The following SYT7 variants were observed in gnomAD, a reference collection of about 807,000 sequenced individuals.
SYT7 encodes the protein synaptotagmin-7.
A neutral mutation model predicts 75.1 loss-of-function variants in SYT7; 29 were observed. The observed-to-expected ratio is 0.39, with a 90% CI of 0.29 to 0.53. The LOEUF is 0.53. Among genes scored for constraint, SYT7 ranks in the 20% least tolerant of loss-of-function variants. The pLI is 0.77. For synonymous variants in SYT7, 376 were observed against 401.7 expected, an observed-to-expected ratio of 0.94 and a Z score of 0.76; for missense variants, 693 against 953.2, an observed-to-expected ratio of 0.73 and a Z score of 3.59.
chr11:61,550,864 C>T lies in SYT7; in HGVS notation c.215+520G>A, dbSNP rs1021834048. Among the ~76,000 whole-genome samples the T allele has an allele frequency of 7.2e-5, 11 of 152,276 alleles. No homozygotes were observed. In the East Asian group the frequency reaches 7.7e-4, roughly 11 times the overall value. On this transcript the variant is annotated intron_variant, in intron 3 of 12. Coordinates refer to ENST00000539008, the MANE Select transcript of SYT7 (RefSeq NM_001365809.2). ...GACACACAGCGGCCGGTGGGGTTGA[C>T]GGGGAGGGAGGGACTGCTCCCCAGC...
chr11:61,531,111 G>A, intron 8 of SYT7: 1 of 985,474 alleles, frequency 1.0e-6, no homozygotes, highest in Non-Finnish European at 1.2e-6. Context: ...ACCAGGACAG[G>A]CTGAGGTCAC....
chr11:61,541,208 T>C (rs1053342122), intron 6 of SYT7: 1 of 985,562 alleles, frequency 1.0e-6, no homozygotes, highest in African/African-American at 1.7e-5. Context: ...CCTCCTCCCT[T>C]TCTCCTCGCC....
At chr11:61,557,787 T>C (rs2063536468) in intron 1 of SYT7, among the ~76,000 whole-genome samples, 1 of 152,194 alleles carries the variant, frequency 6.6e-6, no homozygotes, top group South Asian at 2.1e-4. Context: ...ATCACCAAGG[T>C]CCTGCCCCTC....
At chr11:61,555,409 G>A (rs886088524) in intron 2 of SYT7, among the ~76,000 whole-genome samples, 1 of 152,238 alleles carries the variant, frequency 6.6e-6, no homozygotes, top group East Asian at 1.9e-4. Context: ...TCGGGGAGCT[G>A]TGGGCTGCGG....
At chr11:61,525,127 G>A (rs912859028) in intron 9 of SYT7, among the ~76,000 whole-genome samples, 3 of 152,256 alleles carry the variant, frequency 2.0e-5, no homozygotes, top group South Asian at 4.1e-4. Flanking sequence ...TCCCTCATCC[G>A]AGCCGCTGGC....
intron 12 of SYT7, among the ~76,000 whole-genome samples, chr11:61,520,397 G>A (rs1050348717): frequency 2.6e-5 from 4 of 151,996 alleles, no homozygotes; most frequent in Non-Finnish European, 5.9e-5. Context: ...ATGGTGGTAC[G>A]TGCCTGGAGT....
chr11:61,518,611 C>T lies in SYT7; in HGVS notation c.*16G>A, dbSNP rs1163767505. ...GGACCTGGGCCCTCGGCCCCCTGGG[C>T]CTCCCTTGGCCCCACTCAGGCCTTC... On this transcript the variant is annotated 3_prime_UTR_variant, in exon 13 of 13. Coordinates refer to ENST00000539008, the MANE Select transcript of SYT7 (RefSeq NM_001365809.2). The T allele has an allele frequency of 1.3e-6, 2 of 1,524,050 alleles. No homozygotes were observed. The highest frequency in any genetic ancestry group is 1.8e-6 in the Non-Finnish European group (2 of 1,132,080). The allele number at this position is 1,524,050 out of a possible 1,614,324, so 94.4% of individuals were successfully genotyped here.
At chr11:61,539,117 C>T (rs1172131740) in intron 6 of SYT7, among the ~76,000 whole-genome samples, 12 of 152,250 alleles carry the variant, frequency 7.9e-5, no homozygotes, top group African/African-American at 2.2e-4. Flanking sequence ...GCCAAGGCGG[C>T]GAGAAAGTGC....
intron 6 of SYT7, chr11:61,541,117 T>C (rs1336082444): frequency 1.0e-6 from 1 of 985,378 alleles, no homozygotes; most frequent in East Asian, 1.1e-4. Context: ...AAGCCCTGGC[T>C]GAGGTCTCAG....
rs1478417185 is a variant in SYT7 at position 61,524,338 on chromosome 11, C to G, written c.1641+25G>C. 1 of 1,612,750 alleles carries G rather than the reference C, an allele frequency of 6.2e-7. No individual in the cohort carries two copies. Among genetic ancestry groups the G allele is most frequent in the African/African-American group, 1.3e-5 (1 of 74,918 alleles). On this transcript the variant is annotated intron_variant, in intron 10 of 12. Coordinates refer to ENST00000539008, the MANE Select transcript of SYT7 (RefSeq NM_001365809.2). The surrounding 1 kb of genome is among the most constrained non-coding windows in gnomAD (Gnocchi z 4.1). ...CAGCCCTGCCCTGCTGCCTGTCCAG[C>G]TAAGACCCACCCATGGGGCCTTACA... is the stretch of plus-strand genomic sequence containing the variant.
rs2062460429 is a variant in SYT7 at position 61,524,802 on chromosome 11, C to G, written c.1472-270G>C. Reference sequence around the variant, plus strand: ...GGCTCAGACGGCTTAAAGTACTTGCCCAGACTCCCAGCTAGTAAAGAGTAG... The same window carrying G: ...GGCTCAGACGGCTTAAAGTACTTGCGCAGACTCCCAGCTAGTAAAGAGTAG... On this transcript the variant is annotated intron_variant, in intron 9 of 12. Coordinates refer to ENST00000539008, the MANE Select transcript of SYT7 (RefSeq NM_001365809.2). The surrounding 1 kb of genome is among the most constrained non-coding windows in gnomAD (Gnocchi z 4.1). The G allele has an allele frequency of 2.9e-6, 1 of 350,090 alleles. No individual in the cohort carries two copies. Among genetic ancestry groups the G allele is most frequent in the African/African-American group, 2.1e-5 (1 of 46,766 alleles). 21.7% of individuals were successfully genotyped at this position (350,090 alleles called of 1,614,324 possible).
intron 1 of SYT7, among the ~76,000 whole-genome samples, chr11:61,579,097 G>A (rs2135466971): frequency 6.6e-6 from 1 of 152,336 alleles, no homozygotes; most frequent in Non-Finnish European, 1.5e-5. Context: ...AGGGAGAGGG[G>A]AGAGGGCACA....
chr11:61,540,391 A>T, intron 6 of SYT7: 1 of 539,050 alleles, frequency 1.9e-6, no homozygotes, highest in Non-Finnish European at 2.4e-6. Context: ...CCCACGAGCT[A>T]AGAGTGGTTT....
At chr11:61,538,346 G>GAGAGAGGGA in intron 6 of SYT7, 80 bp from the exon 7 acceptor site, 1 of 198,068 alleles carries the variant, frequency 5.0e-6, no homozygotes. Flanking sequence ...GGAGAGAGAG[G>GAGAGAGGGA]GAGAGAGAGA....
intron 7 of SYT7, among the ~76,000 whole-genome samples, chr11:61,535,320 C>A (rs1051062861): frequency 6.6e-6 from 1 of 152,202 alleles, no homozygotes. Context: ...CACACCGTGA[C>A]AGAGGAACAT....
intron 3 of SYT7, among the ~76,000 whole-genome samples, chr11:61,550,240 C>G (rs1415539131): frequency 6.6e-6 from 1 of 152,184 alleles, no homozygotes; most frequent in Non-Finnish European, 1.5e-5. Context: ...CACACAGCTT[C>G]TACCAAGGCC....
intron 9 of SYT7, 23 bp downstream of exon 9, chr11:61,527,892 G>A (rs1416548881): frequency 1.2e-6 from 2 of 1,610,876 alleles, no homozygotes; most frequent in Non-Finnish European, 1.7e-6. Context: ...GACCATGGCG[G>A]GGGAAGGTGG....
chr11:61,539,663 C>T (rs999872204), intron 6 of SYT7: 1 of 152,182 alleles, frequency 6.6e-6, no homozygotes, highest in African/African-American at 2.4e-5. Context: ...AGAGGAAGAG[C>T]TTGCTCTAAC....
intron 9 of SYT7, 128 bp downstream of exon 9, chr11:61,527,787 G>A: frequency 2.7e-6 from 3 of 1,108,956 alleles, no homozygotes; most frequent in Non-Finnish European, 3.9e-6. Context: ...ATGTGTGTTT[G>A]TGCATTTGTG....
Sources: allele counts gnomAD v4.1 joint callset (sites outside exome capture counted in the v4.1 genomes callset), GRCh38; gene constraint gnomAD v4.1.1; non-coding constraint Gnocchi (gnomAD v3.1); transcripts MANE v1.5; gene names NCBI Gene and HGNC (gene_info 2026-07-23, HGNC 2026-07-21).